COQ2: variants seen among roughly 807,000 people sequenced by gnomAD.
COQ2 encodes the protein 4-hydroxybenzoate polyprenyltransferase, mitochondrial.
Under a neutral mutation model 35.7 loss-of-function variants are expected in COQ2, and 25 were observed. The observed-to-expected ratio is 0.70, with a 90% CI of 0.51 to 0.98. COQ2 has a LOEUF of 0.98. Among genes scored for constraint, COQ2 ranks in the 50% least tolerant of loss-of-function variants. The pLI, the probability that COQ2 is intolerant of heterozygous loss-of-function variation, is 0.00. For missense variants in COQ2, 488 were observed against 473.5 expected, an observed-to-expected ratio of 1.03 and a Z score of -0.28; for synonymous variants, 206 against 186.2, an observed-to-expected ratio of 1.11 and a Z score of -0.86.
intron 2 of COQ2, 70 bp downstream of exon 2, chr4:83,278,878 A>G (rs1735244056): frequency 7.1e-7 from 1 of 1,406,374 alleles, no homozygotes; most frequent in African/African-American, 1.5e-5. Flanking sequence ...ATGGCATTCA[A>G]AAGTGATACC....
At position 83,284,696 on chromosome 4, in the gene COQ2, G is replaced by T; in HGVS notation, c.69C>A (p.Gly23=). 6.7e-7 allele frequency: 1 copy of T among 1,482,278 alleles called. No homozygotes were observed. Among genetic ancestry groups the T allele is most frequent in the Non-Finnish European group, 8.9e-7 (1 of 1,122,658 alleles). 91.8% of individuals were successfully genotyped at this position (1,482,278 alleles called of 1,614,324 possible). The stretch of plus-strand genomic sequence containing the variant: ...CCAGGGCGAAGGAGCGGCCCCGCCA[G>T]CCCGGCAGCCACGCCAGTGCCACAG... The part of the protein sequence containing the change: ...LRAVALAWLP[G]WRGRSFALAR... The change falls in exon 1 of 7, where the codon GGC becomes GGA. Residue 23 remains glycine, a synonymous_variant. Coordinates refer to ENST00000647002, the MANE Select transcript of COQ2 (RefSeq NM_001358921.2).
chr4:83,275,700 A>G (rs1735150146), intron 2 of COQ2, among the ~76,000 whole-genome samples: 2 of 152,118 alleles, frequency 1.3e-5, no homozygotes, highest in Non-Finnish European at 2.9e-5. Flanking sequence ...CTATGTAATT[A>G]GTTTTAACTC....
intron 5 of COQ2, among the ~76,000 whole-genome samples, chr4:83,268,569 G>T (rs1734976411): frequency 2.0e-5 from 3 of 152,166 alleles, no homozygotes; most frequent in Admixed American, 1.3e-4. Flanking sequence ...CCTTCAGGGT[G>T]CAAACTGTGT....
intron 1 of COQ2, chr4:83,282,668 G>A (rs1735352614): frequency 3.9e-6 from 1 of 255,656 alleles, no homozygotes; most frequent in South Asian, 1.4e-4. Flanking sequence ...ACTGTTCTAA[G>A]CACTTAACAT....
chr4:83,276,839 C>T (rs910656118), intron 2 of COQ2, among the ~76,000 whole-genome samples: 3 of 152,112 alleles, frequency 2.0e-5, no homozygotes, highest in Admixed American at 2.0e-4. Flanking sequence ...GGTATATATA[C>T]ACCATGGAAT....
chr4:83,275,852 G>T (rs1394598796), intron 2 of COQ2, among the ~76,000 whole-genome samples: 2 of 151,616 alleles, frequency 1.3e-5, no homozygotes, highest in African/African-American at 4.9e-5. Flanking sequence ...TTCATAAACT[G>T]TTACTAATTT....
intron 2 of COQ2, among the ~76,000 whole-genome samples, 198 bp downstream of exon 2, chr4:83,278,750 A>T (rs1450724885): frequency 6.6e-6 from 1 of 152,140 alleles, no homozygotes; most frequent in Non-Finnish European, 1.5e-5. Context: ...CCCTGGGGCC[A>T]CTCTTGTGTT....
chr4:83,269,219 G>A (rs550220006), intron 5 of COQ2, among the ~76,000 whole-genome samples: 1 of 152,230 alleles, frequency 6.6e-6, no homozygotes, highest in South Asian at 2.1e-4. Flanking sequence ...AGCCAAAATA[G>A]AGAAACTGTG....
rs146983090 is a variant in COQ2 at position 83,279,058 on chromosome 4, C to G, written c.310G>C (p.Gly104Arg). 8 of 1,597,200 alleles carry G rather than the reference C, an allele frequency of 5.0e-6. No homozygotes were observed. Among genetic ancestry groups the G allele is most frequent in the South Asian group, 2.3e-5 (2 of 87,986 alleles). ...TWSIGLAAEP[G>R]CFPDWYMLSL... ...AGCATGTACCAATCTGGAAAACAAC[C>G]TGGTTCAGCTGCCAAACCAATGCTC... The change falls in exon 2 of 7, where the codon GGT becomes CGT. Residue 104 changes from glycine to arginine, a missense_variant. Gly to Arg is a moderately radical substitution (Grantham distance 125, BLOSUM62 -2). Coordinates refer to ENST00000647002, the MANE Select transcript of COQ2 (RefSeq NM_001358921.2).
In COQ2 at chr4:83,267,781, T is replaced by A; in HGVS notation, c.763-7A>T. 2 of 1,530,798 alleles carry A rather than the reference T, an allele frequency of 1.3e-6. No homozygotes were observed. Among genetic ancestry groups the A allele is most frequent in the Admixed American group, 2.2e-5 (1 of 45,846 alleles). The allele number at this position is 1,530,798 out of a possible 1,614,324, so 94.8% of individuals were successfully genotyped here. On this transcript the variant is annotated splice_region_variant and splice_polypyrimidine_tract_variant and intron_variant, in intron 5 of 6. Transcript: ENST00000647002. ...AAACATCATCTCTTTTGTCCTAATA[T>A]CAGAAAGAAAAATAAACTGTTTTTT...
intron 3 of COQ2, among the ~76,000 whole-genome samples, chr4:83,273,165 TA>T (rs1735088825): frequency 1.2e-5 from 1 of 84,206 alleles, no homozygotes; most frequent in Non-Finnish European, 2.4e-5. Flanking sequence ...ACTGTCAACA[TA>T]AATAAAATTA....
chr4:83,266,077 A>C (rs1249182393), intron 6 of COQ2, among the ~76,000 whole-genome samples: 1 of 152,244 alleles, frequency 6.6e-6, no homozygotes, highest in Non-Finnish European at 1.5e-5. Flanking sequence ...CAGACAATCA[A>C]ATGACAATGT....
At chr4:83,282,898 T>C (rs913172906) in intron 1 of COQ2, among the ~76,000 whole-genome samples, 7 of 152,162 alleles carry the variant, frequency 4.6e-5, no homozygotes, top group African/African-American at 1.4e-4. Context: ...GCCACTAAGA[T>C]AGAAGCCAGA....
Position 83,277,973 on chromosome 4 carries a change from A to AAC in COQ2, c.420+973_420+974dup, listed in dbSNP as rs10595798. On this transcript the variant is annotated intron_variant, in intron 2 of 6. Transcript: ENST00000647002. ...CAACAAGAGTGAAACTCCATCTCAA[A>AAC]ACACACACACACACACACACACACA... 1.2e-3 allele frequency among the ~76,000 whole-genome samples: 170 copies of AAC among 140,244 alleles called. 1 individual carries two copies. The highest frequency in any genetic ancestry group is 2.7e-3 in the African/African-American group (100 of 37,310). The allele number at this position is 140,244 out of a possible 152,430, so 92.0% of individuals were successfully genotyped here. A position where few individuals can be genotyped will look rare whatever the true frequency, so the allele number is the denominator to read the frequency against.
At chr4:83,271,095 G>A (rs1735036917) in intron 4 of COQ2, among the ~76,000 whole-genome samples, 20 of 152,032 alleles carry the variant, frequency 1.3e-4, no homozygotes, top group Admixed American at 1.3e-3. Flanking sequence ...ATCATTCTAG[G>A]AATAGAATAG....
At chr4:83,266,839 G>A (rs1734930505) in intron 6 of COQ2, 1 of 211,942 alleles carries the variant, frequency 4.7e-6, no homozygotes, top group African/African-American at 2.4e-5. Context: ...CGCATTTCAT[G>A]TCTTATCTGT....
rs374519277 is a variant in COQ2 at position 83,284,453 on chromosome 4, G to C, written c.253+59C>G. On this transcript the variant is annotated intron_variant, in intron 1 of 6. Transcript: ENST00000647002. ...GCCGGCCGCCGCGGACAGCTCCGCG[G>C]AGCCGACTCGGAGGCTGCTACTTGC... 1.4e-4 allele frequency: 213 copies of C among 1,508,074 alleles called. 1 individual carries two copies. In the South Asian group the frequency reaches 2.6e-3, roughly 18 times the overall value. 93.4% of individuals were successfully genotyped at this position (1,508,074 alleles called of 1,614,324 possible).
At chr4:83,277,767 C>T (rs1025971558) in intron 2 of COQ2, among the ~76,000 whole-genome samples, 44 of 152,184 alleles carry the variant, frequency 2.9e-4, no homozygotes, top group African/African-American at 9.6e-4. Context: ...GTCGGGAGTT[C>T]GAGACCAGCC....
chr4:83,267,449 G>T (rs1426226838), intron 6 of COQ2, 137 bp downstream of exon 6: 5 of 677,382 alleles, frequency 7.4e-6, no homozygotes, highest in Non-Finnish European at 9.8e-6. Flanking sequence ...AGGGCAGGGG[G>T]GTCTGTTAAA....
Sources: allele counts gnomAD v4.1 joint callset (sites outside exome capture counted in the v4.1 genomes callset), GRCh38; gene constraint gnomAD v4.1.1; transcripts MANE v1.5; gene names NCBI Gene and HGNC (gene_info 2026-07-23, HGNC 2026-07-21).